The following MYH10 variants were observed in gnomAD, a reference collection of about 807,000 sequenced individuals.
The protein encoded by MYH10 is myosin-10.
A neutral mutation model predicts 257.8 loss-of-function variants in MYH10; 55 were observed. That is an observed-to-expected ratio of 0.21 (90% CI 0.17 to 0.27). The LOEUF (loss-of-function observed/expected upper bound fraction) is 0.27, where lower values mean the gene tolerates loss of function less well. Ranked by LOEUF, MYH10 falls within the 10% of genes least tolerant of loss-of-function variation. The pLI, the probability that MYH10 is intolerant of heterozygous loss-of-function variation, is 1.00. For synonymous variants in MYH10, 854 were observed against 921.7 expected (o/e 0.93, Z 1.33); for missense variants, 1,631 against 2,500.6 (o/e 0.65, Z 7.42).
Position 8,585,615 on chromosome 17 carries a change from T to C in MYH10, c.530+3466A>G, listed in dbSNP as rs541230993. On this transcript the variant is annotated intron_variant, in intron 4 of 42. Coordinates refer to ENST00000360416, the MANE Select transcript of MYH10 (RefSeq NM_001256012.3). ...GCACAATGTAACTTTATAATAGACA[T>C]GAACATGAAAAGCTGTTACTAAATA... Among the ~76,000 whole-genome samples, 4 of 152,094 alleles carry C rather than the reference T, an allele frequency of 2.6e-5. No individual in the cohort carries two copies. The East Asian group carries it at 5.8e-4, about 22-fold the overall frequency.
intron 6 of MYH10, among the ~76,000 whole-genome samples, chr17:8,571,707 G>C (rs1353824715): frequency 6.6e-6 from 1 of 151,924 alleles, no homozygotes; most frequent in African/African-American, 2.4e-5. Flanking sequence ...GCAATGAGCA[G>C]AGATCGCACC....
At chr17:8,593,972 A>T (rs775868723) in intron 3 of MYH10, among the ~76,000 whole-genome samples, 20 of 152,214 alleles carry the variant, frequency 1.3e-4, no homozygotes, top group Admixed American at 3.9e-4. Context: ...TACTGGCAAA[A>T]GGAAAGACAT....
Position 8,535,541 on chromosome 17 carries a change from A to G in MYH10, c.1780-40T>C. The G allele has an allele frequency of 6.5e-7, 1 of 1,533,262 alleles. No individual in the cohort carries two copies. Among genetic ancestry groups the G allele is most frequent in the Non-Finnish European group, 8.9e-7 (1 of 1,122,626 alleles). 95.0% of individuals were successfully genotyped at this position (1,533,262 alleles called of 1,614,324 possible). A position where few individuals can be genotyped will look rare whatever the true frequency, so the allele number is the denominator to read the frequency against. Reference sequence around the variant, plus strand: ...AGCCAAAAGTGGTGAAATGGAGAACACAAAACCAAATGCAAAAACAAAAAC... The same window carrying G: ...AGCCAAAAGTGGTGAAATGGAGAACGCAAAACCAAATGCAAAAACAAAAAC... On this transcript the variant is annotated intron_variant, in intron 15 of 42. Transcript: ENST00000360416. This position sits in a 1 kb window ranked among gnomAD's most constrained non-coding sequence, Gnocchi z 4.3.
chr17:8,557,639 C>CA (rs2082850131), intron 7 of MYH10, among the ~76,000 whole-genome samples: 1 of 152,176 alleles, frequency 6.6e-6, no homozygotes, highest in African/African-American at 2.4e-5. Context: ...CATGAAGGGC[C>CA]AGCTCCCAGT....
At chr17:8,610,735 G>T (rs2152086972) in intron 2 of MYH10, among the ~76,000 whole-genome samples, 1 of 152,318 alleles carries the variant, frequency 6.6e-6, no homozygotes, top group Admixed American at 6.5e-5. Flanking sequence ...GATGCCGCAA[G>T]AAGGCCCCAC....
At chr17:8,560,494 G>T in intron 7 of MYH10, 1 of 524,950 alleles carries the variant, frequency 1.9e-6, no homozygotes, top group South Asian at 1.6e-5. Flanking sequence ...GTGTTCTTTT[G>T]ACATCATTGT....
intron 23 of MYH10, among the ~76,000 whole-genome samples, chr17:8,513,312 G>GT (rs1167159095): frequency 6.6e-6 from 1 of 152,198 alleles, no homozygotes; most frequent in Non-Finnish European, 1.5e-5. Context: ...GATGCAAGAG[G>GT]TAAGGTTGAT....
rs772324476 is a variant in MYH10 at position 8,495,219 on chromosome 17, G to C, written c.3974C>G (p.Thr1325Ser). Residue 1325 changes from threonine to serine, a missense_variant, in exon 31 of 43, where the codon ACC becomes AGC. Thr to Ser is a moderately conservative substitution (Grantham distance 58). Around this residue, in one of 11 missense-constraint regions of MYH10, gnomAD observed 463 missense variants for 621.8 expected, o/e 0.74. Coordinates refer to ENST00000360416, the MANE Select transcript of MYH10 (RefSeq NM_001256012.3). Reference protein sequence around the residue: ...KLQNELDNVSTLLEEAEKKGI... With the variant: ...KLQNELDNVSSLLEEAEKKGI... ...CTTCTTCTCTGCTTCTTCCAGAAGG[G>C]TGGAGACATTATCTAGCTCATTCTG... 5 of 1,611,736 alleles carry C rather than the reference G, an allele frequency of 3.1e-6. No homozygotes were observed. The South Asian group carries it at 5.5e-5, about 18-fold the overall frequency.
chr17:8,584,822 C>T (rs146435868), intron 4 of MYH10, among the ~76,000 whole-genome samples: 17 of 152,140 alleles, frequency 1.1e-4, no homozygotes, highest in African/African-American at 4.1e-4. Flanking sequence ...AACCATGTTG[C>T]ATCTAGTTGT....
chr17:8,608,938 G>A (rs1317380301), intron 2 of MYH10, among the ~76,000 whole-genome samples: 1 of 152,088 alleles, frequency 6.6e-6, no homozygotes, highest in African/African-American at 2.4e-5. Flanking sequence ...AGCCTTCCGC[G>A]TAGCTGGGAC....
intron 3 of MYH10, among the ~76,000 whole-genome samples, chr17:8,598,012 C>G (rs449145): frequency 0.97 from 147,593 of 152,140 alleles, 71,762 homozygotes; most frequent in Middle Eastern, 1. Context: ...ACGGAGTCTC[C>G]CTCTGTCACC....
Position 8,569,633 on chromosome 17 carries a change from G to T in MYH10, c.756+87C>A. On this transcript the variant is annotated intron_variant, in intron 7 of 42. Transcript: ENST00000360416. The surrounding 1 kb of genome is among the most constrained non-coding windows in gnomAD (Gnocchi z 4.1). ...CATCTATTAGCTTCTTAAAATCTAG[G>T]AAGAAAAGTAATTCATTTGCTTAAT... 1 of 917,456 alleles carries T rather than the reference G, an allele frequency of 1.1e-6. No homozygotes were observed. Among genetic ancestry groups the T allele is most frequent in the South Asian group, 2.0e-5 (1 of 49,112 alleles). 56.8% of individuals were successfully genotyped at this position (917,456 alleles called of 1,614,324 possible).
intron 21 of MYH10, 71 bp downstream of exon 21, chr17:8,518,559 AG>A: frequency 1.3e-6 from 2 of 1,496,076 alleles, no homozygotes; most frequent in Non-Finnish European, 1.8e-6. Flanking sequence ...CTTGCACCCC[AG>A]GTCAAAATGC....
chr17:8,568,068 C>T (rs1158556417), intron 7 of MYH10, among the ~76,000 whole-genome samples: 1 of 152,128 alleles, frequency 6.6e-6, no homozygotes, highest in Non-Finnish European at 1.5e-5. Flanking sequence ...TGTGTTCTGA[C>T]TTCAGAGGGT....
Position 8,496,713 on chromosome 17 carries a change from C to T in MYH10, c.3952-1472G>A, listed in dbSNP as rs574424004. Among the ~76,000 whole-genome samples the T allele has an allele frequency of 1.3e-3, 198 of 152,328 alleles. 2 individuals carry two copies. Among genetic ancestry groups the T allele is most frequent in the African/African-American group, 4.2e-3 (175 of 41,570 alleles). On this transcript the variant is annotated intron_variant, in intron 30 of 42. Transcript: ENST00000360416. ...CGCACACAATATTTCAGTACCTACA[C>T]GTTAACACAGCAGGCCGGGACCACC...
chr17:8,476,342 C>A (rs112500432), intron 42 of MYH10, among the ~76,000 whole-genome samples: 59 of 152,342 alleles, frequency 3.9e-4, no homozygotes, highest in African/African-American at 1.3e-3. Context: ...AATGTAGAAA[C>A]CATGCTTAGT....
chr17:8,546,553 G>C lies in MYH10; in HGVS notation c.1269C>G (p.Thr423=), dbSNP rs369975096. The C allele has an allele frequency of 3.7e-5, 59 of 1,613,146 alleles. No individual in the cohort carries two copies. The African/African-American group carries it at 7.5e-4, about 20-fold the overall frequency. ...TGAACATGAAACCTACCTGTTCTTT[G>C]GTCTGGGCTTTTTGCACATAGTCTC... ...VGRDYVQKAQ[T]KEQADFAVEA... Residue 423 remains threonine, a synonymous_variant, in exon 12 of 43, where the codon ACC becomes ACG. Coordinates refer to ENST00000360416, the MANE Select transcript of MYH10 (RefSeq NM_001256012.3).
chr17:8,492,753 GA>G (rs745364740), intron 33 of MYH10, 22 bp downstream of exon 33: 51 of 1,609,460 alleles, frequency 3.2e-5, no homozygotes, highest in Non-Finnish European at 4.0e-5. Context: ...CTGCCAGGAG[GA>G]AACGACACGT....
At chr17:8,624,983 T>G (rs2085617940) in intron 1 of MYH10, among the ~76,000 whole-genome samples, 1 of 152,114 alleles carries the variant, frequency 6.6e-6, no homozygotes, top group African/African-American at 2.4e-5. Context: ...GTGCAGTAGC[T>G]CATGCCTATA....
Sources: gnomAD v4.1 joint callset for allele counts (sites outside exome capture counted in the v4.1 genomes callset) on GRCh38, gnomAD v4.1.1 for gene constraint, gnomAD v4.1.1 regional missense constraint, Gnocchi (gnomAD v3.1) non-coding constraint, MANE v1.5 for transcripts, NCBI Gene and HGNC (gene_info 2026-07-23, HGNC 2026-07-21) for gene names.